VWA5B2: variants seen among roughly 807,000 people sequenced by gnomAD.
VWA5B2 encodes von Willebrand factor A domain containing 5B2.
In VWA5B2, 93 loss-of-function variants were observed where a neutral mutation model predicts 118.5. That is an observed-to-expected ratio of 0.79 (90% CI 0.66 to 0.93). The LOEUF is 0.93. VWA5B2 is among the 40% of genes least tolerant of loss of function. VWA5B2 has a pLI of 0.00. For synonymous variants in VWA5B2, 708 were observed against 716.3 expected, an observed-to-expected ratio of 0.99 and a Z score of 0.19; for missense variants, 1,546 against 1,672.8, an observed-to-expected ratio of 0.92 and a Z score of 1.32.
intron 5 of VWA5B2, 59 bp from the exon 6 acceptor site, chr3:184,234,207 T>G: frequency 6.5e-7 from 1 of 1,535,704 alleles, no homozygotes; most frequent in Non-Finnish European, 8.8e-7. Flanking sequence ...TGCCAACATT[T>G]GCTGTCCCTG....
Position 184,240,835 on chromosome 3 carries a change from G to T in VWA5B2, c.2785G>T (p.Val929Phe). ...CWLRALQTSK[V>F]SSAPSCFTCP... ...GCTTCGAGCCCTTCAGACAAGTAAG[G>T]TCAGCTCTGCCCCCTCCTGCTTCAC... is the stretch of plus-strand genomic sequence containing the variant. Residue 929 changes from valine (V) to phenylalanine (F), a missense_variant, in exon 17 of 20, where the codon GTC becomes TTC. By Grantham distance (50) the Val-to-Phe change is conservative. Around this residue, in one of 3 missense-constraint regions of VWA5B2, gnomAD observed 763 missense variants for 766.6 expected, o/e 1.00. Coordinates refer to ENST00000691901, the MANE Select transcript of VWA5B2 (RefSeq NM_001390846.1). 4 of 1,551,672 alleles carry T rather than the reference G, an allele frequency of 2.6e-6. No individual in the cohort carries two copies. The highest frequency in any genetic ancestry group is 3.5e-6 in the Non-Finnish European group (4 of 1,146,976).
chr3:184,232,012 G>C (rs1024092924), intron 3 of VWA5B2, among the ~76,000 whole-genome samples: 6 of 152,282 alleles, frequency 3.9e-5, no homozygotes, highest in South Asian at 2.1e-4. Flanking sequence ...CTTATAAGTA[G>C]GTTACAGTGG....
Position 184,241,335 on chromosome 3 carries a change from C to T in VWA5B2, c.3111C>T (p.His1037=). 1 of 1,551,940 alleles carries T rather than the reference C, an allele frequency of 6.4e-7. No homozygotes were observed. The highest frequency in any genetic ancestry group is 8.7e-7 in the Non-Finnish European group (1 of 1,147,236). The change falls in exon 19 of 20, where the codon CAC becomes CAT. Residue 1037 remains histidine (H), a synonymous_variant. Coordinates refer to ENST00000691901, the MANE Select transcript of VWA5B2 (RefSeq NM_001390846.1). The surrounding 1 kb of genome is among the most constrained non-coding windows in gnomAD (Gnocchi z 5.1). ...GTCGGCTCAGCATGGGCCGCCGTCACAAACTCTGTAGCCCTGACCCGGGCC... is the reference window on the plus strand; with the variant it reads ...GTCGGCTCAGCATGGGCCGCCGTCATAAACTCTGTAGCCCTGACCCGGGCC... ...PPCRLSMGRR[H]KLCSPDPGQA...
Position 184,239,008 on chromosome 3 carries a change from A to G in VWA5B2, c.2202+135A>G. 1 of 980,580 alleles carries G rather than the reference A, an allele frequency of 1.0e-6. No individual in the cohort carries two copies. The highest frequency in any genetic ancestry group is 2.0e-5 in the South Asian group (1 of 51,044). The allele number at this position is 980,580 out of a possible 1,614,324, so 60.7% of individuals were successfully genotyped here. ...AGGTGGGTAAATCCCCAACGATACC[A>G]TGTAACAACCAGTGATGAGCACAAG... On this transcript the variant is annotated intron_variant, in intron 14 of 19. Coordinates refer to ENST00000691901, the MANE Select transcript of VWA5B2 (RefSeq NM_001390846.1). The surrounding 1 kb of genome is among the most constrained non-coding windows in gnomAD (Gnocchi z 5.1).
Position 184,242,198 on chromosome 3 carries a change from T to C in VWA5B2, c.*160T>C. 1 of 911,138 alleles carries C rather than the reference T, an allele frequency of 1.1e-6. No homozygotes were observed. The highest frequency in any genetic ancestry group is 1.6e-6 in the Non-Finnish European group (1 of 606,842). 56.4% of individuals were successfully genotyped at this position (911,138 alleles called of 1,614,324 possible). ...AGAGCCCTCTTGCCCCCACAAAAAG[T>C]GCCTGCCTGTGCTCTCTCCCTCTCC... On this transcript the variant is annotated 3_prime_UTR_variant, in exon 20 of 20. Transcript: ENST00000691901.
Position 184,242,290 on chromosome 3 carries a change from C to G in VWA5B2, c.*252C>G. ...GCAACACAGTGGAAGGGTAGAGAGC[C>G]ACAGTCCCCAAATCCTATGCAATAA... On this transcript the variant is annotated 3_prime_UTR_variant, in exon 20 of 20. Coordinates refer to ENST00000691901, the MANE Select transcript of VWA5B2 (RefSeq NM_001390846.1). The G allele has an allele frequency of 1.3e-6, 1 of 745,246 alleles. No homozygotes were observed. Among genetic ancestry groups the G allele is most frequent in the Non-Finnish European group, 2.3e-6 (1 of 437,248 alleles). The allele number at this position is 745,246 out of a possible 1,614,324, so 46.2% of individuals were successfully genotyped here. A position where few individuals can be genotyped will look rare whatever the true frequency, so the allele number is the denominator to read the frequency against.
rs1285334014 is a variant in VWA5B2 at position 184,230,730 on chromosome 3, C to G, written c.140-17C>G. ...CGCCGGGCAGGGTCCGACGCCGCCT[C>G]CCGCCGCCCTCCCCAGGCGTGTTCG... On this transcript the variant is annotated splice_polypyrimidine_tract_variant and intron_variant, in intron 2 of 19. Transcript: ENST00000691901. 1 of 1,216,650 alleles carries G rather than the reference C, an allele frequency of 8.2e-7. No individual in the cohort carries two copies. Among genetic ancestry groups the G allele is most frequent in the Non-Finnish European group, 1.0e-6 (1 of 979,274 alleles). 75.4% of individuals were successfully genotyped at this position (1,216,650 alleles called of 1,614,324 possible).
Position 184,239,692 on chromosome 3 carries a change from A to T in VWA5B2, c.2396A>T (p.Asn799Ile). 1 of 1,466,402 alleles carries T rather than the reference A, an allele frequency of 6.8e-7. No individual in the cohort carries two copies. The highest frequency in any genetic ancestry group is 9.1e-7 in the Non-Finnish European group (1 of 1,102,696). 90.8% of individuals were successfully genotyped at this position (1,466,402 alleles called of 1,614,324 possible). The change falls in exon 16 of 20, where the codon AAC becomes ATC. Residue 799 changes from asparagine to isoleucine, a missense_variant. By Grantham distance (149) the Asn-to-Ile change is moderately radical (BLOSUM62 -3). Transcript: ENST00000691901. The surrounding 1 kb of genome is among the most constrained non-coding windows in gnomAD (Gnocchi z 5.1). ...QLGQGLDDSG[N>I]LLSPAPMDWD... ...CCCTGCTGTCTTGCCTCCCCAGGAAACCTGCTCTCCCCAGCCCCTATGGAC... is the reference window on the plus strand; with the variant it reads ...CCCTGCTGTCTTGCCTCCCCAGGAATCCTGCTCTCCCCAGCCCCTATGGAC...
chr3:184,230,520 C>G lies in VWA5B2; in HGVS notation c.-9C>G, dbSNP rs899414146. 1.8e-5 allele frequency: 27 copies of G among 1,460,880 alleles called. No homozygotes were observed. The highest frequency in any genetic ancestry group is 2.1e-5 in the Non-Finnish European group (23 of 1,115,102). The allele number at this position is 1,460,880 out of a possible 1,614,324, so 90.5% of individuals were successfully genotyped here. On this transcript the variant is annotated 5_prime_UTR_variant, in exon 2 of 20. Coordinates refer to ENST00000691901, the MANE Select transcript of VWA5B2 (RefSeq NM_001390846.1). The stretch of plus-strand genomic sequence containing the variant: ...CGGCCCGTTCCCGCAGGGCCGGCCT[C>G]CCGGCGCCATGCCCGGCCTGTACTG...
Position 184,233,473 on chromosome 3 carries a change from G to T in VWA5B2, c.530+76G>T. On this transcript the variant is annotated intron_variant, in intron 4 of 19. Transcript: ENST00000691901. This position sits in a 1 kb window ranked among gnomAD's most constrained non-coding sequence, Gnocchi z 5.2. ...AGTGCGGGTGAGGGGGCACTGGCAG[G>T]GTACCCAGGGATGGGAAGGGTGAGG... is the stretch of plus-strand genomic sequence containing the variant. The T allele has an allele frequency of 6.7e-7, 1 of 1,502,986 alleles. No individual in the cohort carries two copies. The highest frequency in any genetic ancestry group is 8.9e-7 in the Non-Finnish European group (1 of 1,123,042). The allele number at this position is 1,502,986 out of a possible 1,614,324, so 93.1% of individuals were successfully genotyped here.
At chr3:184,236,974 C>A (rs1212738468) in intron 11 of VWA5B2, among the ~76,000 whole-genome samples, 1 of 152,168 alleles carries the variant, frequency 6.6e-6, no homozygotes, top group Non-Finnish European at 1.5e-5. Flanking sequence ...TGGAACGGAG[C>A]CTCGTCCTCA....
Position 184,238,936 on chromosome 3 carries a change from G to A in VWA5B2, c.2202+63G>A, listed in dbSNP as rs748773847. 1 of 1,406,292 alleles carries A rather than the reference G, an allele frequency of 7.1e-7. No homozygotes were observed. The highest frequency in any genetic ancestry group is 9.4e-7 in the Non-Finnish European group (1 of 1,058,574). The allele number at this position is 1,406,292 out of a possible 1,614,324, so 87.1% of individuals were successfully genotyped here. A position where few individuals can be genotyped will look rare whatever the true frequency, so the allele number is the denominator to read the frequency against. ...CAAATATTTATTTACCACCTGCTGTGCACCAGATATTATGTAGAGTTTACT... is the reference window on the plus strand; with the variant it reads ...CAAATATTTATTTACCACCTGCTGTACACCAGATATTATGTAGAGTTTACT... On this transcript the variant is annotated intron_variant, in intron 14 of 19. Coordinates refer to ENST00000691901, the MANE Select transcript of VWA5B2 (RefSeq NM_001390846.1). The surrounding 1 kb of genome is among the most constrained non-coding windows in gnomAD (Gnocchi z 5.0).
Position 184,233,838 on chromosome 3 carries a change from A to G in VWA5B2, c.688+105A>G. 1 of 1,435,652 alleles carries G rather than the reference A, an allele frequency of 7.0e-7. No individual in the cohort carries two copies. Among genetic ancestry groups the G allele is most frequent in the Non-Finnish European group, 9.3e-7 (1 of 1,077,570 alleles). The allele number at this position is 1,435,652 out of a possible 1,614,324, so 88.9% of individuals were successfully genotyped here. ...AGGGATAGGAGGGACACAGGACAAA[A>G]AGACAGGGACCCCAGCCTCCGGAAC... On this transcript the variant is annotated intron_variant, in intron 5 of 19. Coordinates refer to ENST00000691901, the MANE Select transcript of VWA5B2 (RefSeq NM_001390846.1). This position sits in a 1 kb window ranked among gnomAD's most constrained non-coding sequence, Gnocchi z 5.2.
Position 184,237,514 on chromosome 3 carries a change from T to C in VWA5B2, c.1719+103T>C. 1 of 1,252,876 alleles carries C rather than the reference T, an allele frequency of 8.0e-7. No individual in the cohort carries two copies. Among genetic ancestry groups the C allele is most frequent in the Non-Finnish European group, 1.1e-6 (1 of 915,112 alleles). 77.6% of individuals were successfully genotyped at this position (1,252,876 alleles called of 1,614,324 possible). On this transcript the variant is annotated intron_variant, in intron 12 of 19. Transcript: ENST00000691901. The surrounding 1 kb of genome is among the most constrained non-coding windows in gnomAD (Gnocchi z 5.6). ...TTCCAAACCCTTTTTCCATTCTCTGTGCCTCTCTCTACCAAGCTTCTCTAC... is the reference window on the plus strand; with the variant it reads ...TTCCAAACCCTTTTTCCATTCTCTGCGCCTCTCTCTACCAAGCTTCTCTAC...
rs1310137851 is a variant in VWA5B2, at chr3:184,241,528, C to T, written c.3219C>T (p.Asp1073=). ...LQEAPGSFRL[D]APFCAAVRIS... ...AGGCACCAGGCTCCTTCCGCCTGGA[C>T]GCGCCCTTCTGCGCCGCTGTGCGCA... The change falls in exon 20 of 20, where the codon GAC becomes GAT. Residue 1073 remains aspartate (D), a synonymous_variant. Coordinates refer to ENST00000691901, the MANE Select transcript of VWA5B2 (RefSeq NM_001390846.1). The surrounding 1 kb of genome is among the most constrained non-coding windows in gnomAD (Gnocchi z 5.1). The T allele has an allele frequency of 6.5e-7, 1 of 1,550,092 alleles. No homozygotes were observed.
At chr3:184,231,690 C>G (rs992932650) in intron 3 of VWA5B2, among the ~76,000 whole-genome samples, 1 of 152,202 alleles carries the variant, frequency 6.6e-6, no homozygotes, top group South Asian at 2.1e-4. Context: ...AGCGAGTGCC[C>G]GGGGAAGGGA....
chr3:184,231,406 T>C (rs1178222726), intron 3 of VWA5B2, among the ~76,000 whole-genome samples: 6 of 152,244 alleles, frequency 3.9e-5, no homozygotes, highest in Admixed American at 2.0e-4. Context: ...CCACACTGAC[T>C]GACAGGTCCT....
rs548310239 is a variant in VWA5B2 at position 184,242,025 on chromosome 3, C to T, written c.3716C>T (p.Pro1239Leu). 2.6e-6 allele frequency: 4 copies of T among 1,549,754 alleles called. No homozygotes were observed. The highest frequency in any genetic ancestry group is 3.5e-6 in the Non-Finnish European group (4 of 1,146,964). The change falls in exon 20 of 20, where the codon CCA becomes CTA. Residue 1239 changes from proline to leucine, a missense_variant. Pro to Leu is a moderately conservative substitution (Grantham distance 98, BLOSUM62 -3). Transcript: ENST00000691901. ...NLQLHLLCYS[P>L]ANV is the part of the protein sequence containing the mutation. ...CAGCTACACCTGCTGTGCTACAGCC[C>T]AGCGAACGTGTGAAGGCTGCCCCCT...
chr3:184,238,321 C>G lies in VWA5B2; in HGVS notation c.1738C>G (p.Gln580Glu). 6.6e-7 allele frequency: 1 copy of G among 1,525,630 alleles called. No homozygotes were observed. Among genetic ancestry groups the G allele is most frequent in the Non-Finnish European group, 8.8e-7 (1 of 1,132,288 alleles). 94.5% of individuals were successfully genotyped at this position (1,525,630 alleles called of 1,614,324 possible). Residue 580 changes from glutamine (Q) to glutamate (E), a missense_variant, in exon 13 of 20, where the codon CAG (glutamine) becomes GAG (glutamate). Gln to Glu is a conservative substitution (Grantham distance 29). Around this residue, in one of 3 missense-constraint regions of VWA5B2, gnomAD observed 775 missense variants for 882.3 expected, o/e 0.88. Transcript: ENST00000691901. This position sits in a 1 kb window ranked among gnomAD's most constrained non-coding sequence, Gnocchi z 5.0. ...RPPGGQEPGW[Q>E]SSGGSVFPSP... ...TCTCTAGGGCCAAGAGCCTGGCTGG[C>G]AGAGCTCGGGTGGGTCCGTGTTTCC...
Sources: allele counts gnomAD v4.1 joint callset (sites outside exome capture counted in the v4.1 genomes callset), GRCh38; gene constraint gnomAD v4.1.1; regional missense constraint gnomAD v4.1.1; non-coding constraint Gnocchi (gnomAD v3.1); transcripts MANE v1.5; gene names NCBI Gene and HGNC (gene_info 2026-07-23, HGNC 2026-07-21).